The following ERCC6L variants were observed in gnomAD, a reference collection of about 807,000 sequenced individuals.
The protein encoded by ERCC6L is DNA excision repair protein ERCC-6-like.
A neutral mutation model predicts 20.1 loss-of-function variants in ERCC6L; 7 were observed. The ratio of observed to expected loss-of-function variants is 0.35; its 90% CI spans 0.20 to 0.65. ERCC6L has a LOEUF of 0.65. Among genes scored for constraint, ERCC6L ranks in the 30% least tolerant of loss-of-function variants. ERCC6L has a pLI of 0.69. For synonymous variants in ERCC6L, 278 were observed against 331.3 expected (o/e 0.84, Z 1.75); for missense variants, 592 against 892.4 (o/e 0.66, Z 4.29).
intron 1 of ERCC6L, among the ~76,000 whole-genome samples, chrX:72,222,422 GAT>G (rs2042928780): frequency 1.8e-5 from 2 of 111,428 alleles, no homozygotes; most frequent in East Asian, 2.8e-4. Flanking sequence ...AGTGGCCAAT[GAT>G]GCAGTCCCCC....
In ERCC6L at chrX:72,208,801, A is replaced by G. The variant is rs780199202; in HGVS notation, c.69-103T>C. The G allele has an allele frequency of 8.0e-4, 517 of 648,160 alleles. 5 individuals carry two copies. In the South Asian group the frequency reaches 0.015, roughly 19 times the overall value. The allele number at this position is 648,160 out of a possible 1,213,427, so 53.4% of individuals were successfully genotyped here. A position where few individuals can be genotyped will look rare whatever the true frequency, so the allele number is the denominator to read the frequency against. On this transcript the variant is annotated intron_variant, in intron 1 of 1. Coordinates refer to ENST00000334463, the MANE Select transcript of ERCC6L (RefSeq NM_017669.4). ...AATCCAAACTGCAGCTGGACTTTTA[A>G]TATCCTCAATTCAGGATGGGAAAGA... is the stretch of plus-strand genomic sequence containing the variant.
chrX:72,223,374 A>T, intron 1 of ERCC6L, among the ~76,000 whole-genome samples: 1 of 104,790 alleles, frequency 9.5e-6, no homozygotes, highest in Middle Eastern at 5.1e-3. Context: ...AAGGTCCCCA[A>T]ACATCTCAGC....
intron 1 of ERCC6L, among the ~76,000 whole-genome samples, chrX:72,226,178 C>T (rs1349870946): frequency 9.0e-6 from 1 of 111,717 alleles, no homozygotes; most frequent in South Asian, 3.8e-4. Context: ...TAGACACTGA[C>T]CAACACTCAT....
intron 1 of ERCC6L, among the ~76,000 whole-genome samples, chrX:72,224,968 C>T (rs1405814487): frequency 9.0e-6 from 1 of 110,890 alleles, no homozygotes; most frequent in East Asian, 2.8e-4. Flanking sequence ...ATATTTTAAT[C>T]CCCACCCATT....
intron 1 of ERCC6L, among the ~76,000 whole-genome samples, chrX:72,214,242 CAA>C (rs1456735942): frequency 9.0e-6 from 1 of 111,488 alleles, no homozygotes; most frequent in South Asian, 3.8e-4. Flanking sequence ...TAAACACAAA[CAA>C]TATTATTAAA....
At chrX:72,234,754 G>C (rs2043006552) in intron 1 of ERCC6L, among the ~76,000 whole-genome samples, 1 of 111,396 alleles carries the variant, frequency 9.0e-6, no homozygotes. Context: ...AGGGAATAAT[G>C]CTGGGAAGTA....
intron 1 of ERCC6L, among the ~76,000 whole-genome samples, chrX:72,236,416 C>T (rs2147607342): frequency 8.9e-6 from 1 of 111,760 alleles, no homozygotes; most frequent in South Asian, 3.8e-4. Context: ...CTGCCTCAGC[C>T]TCCCAAGTAG....
At chrX:72,232,232 A>T (rs2147603672) in intron 1 of ERCC6L, among the ~76,000 whole-genome samples, 1 of 103,446 alleles carries the variant, frequency 9.7e-6, no homozygotes, top group South Asian at 4.7e-4. Context: ...GATGAGATTT[A>T]AAGCCAAGAA....
intron 1 of ERCC6L, among the ~76,000 whole-genome samples, chrX:72,221,586 C>T (rs143657071): frequency 3.1e-3 from 344 of 111,405 alleles, no homozygotes; most frequent in African/African-American, 0.01. Flanking sequence ...CTTGGCTTAC[C>T]GGGAAGCATA....
At chrX:72,222,660 C>T (rs932776783) in intron 1 of ERCC6L, among the ~76,000 whole-genome samples, 4 of 103,942 alleles carry the variant, frequency 3.8e-5, no homozygotes, top group East Asian at 3.1e-4. Context: ...CGCAGTAGCG[C>T]GATCTCAGCT....
chrX:72,235,389 C>CTTTTTTT (rs144267277), intron 1 of ERCC6L, among the ~76,000 whole-genome samples: 1 of 68,568 alleles, frequency 1.5e-5, no homozygotes, highest in African/African-American at 6.8e-5. Flanking sequence ...CCCTCTTCCA[C>CTTTTTTT]TTTTTTTTTT....
Position 72,238,931 on chromosome X carries a change from A to G in ERCC6L, c.-20T>C. 14 of 1,172,915 alleles carry G rather than the reference A, an allele frequency of 1.2e-5. No homozygotes were observed. Among genetic ancestry groups the G allele is most frequent in the Non-Finnish European group, 1.6e-5 (14 of 871,703 alleles). Reference sequence around the variant, plus strand: ...CTCCATGACCCTCGGATTGGGTTCCAGTTACCCCGGCGGGAGTTTGGAGCT... The same window carrying G: ...CTCCATGACCCTCGGATTGGGTTCCGGTTACCCCGGCGGGAGTTTGGAGCT... On this transcript the variant is annotated 5_prime_UTR_variant, in exon 1 of 2. Coordinates refer to ENST00000334463, the MANE Select transcript of ERCC6L (RefSeq NM_017669.4).
At chrX:72,212,279 AATAAT>A (rs2042860457) in intron 1 of ERCC6L, among the ~76,000 whole-genome samples, 1 of 109,137 alleles carries the variant, frequency 9.2e-6, no homozygotes, top group East Asian at 2.9e-4. Flanking sequence ...CAAAAAAAAT[AATAAT>A]AATAATAATA....
In ERCC6L at chrX:72,238,269, C is replaced by T. The variant is rs1158068301; in HGVS notation, c.68+575G>A. Among the ~76,000 whole-genome samples, 4 of 111,849 alleles carry T rather than the reference C, an allele frequency of 3.6e-5. No individual in the cohort carries two copies. The East Asian group carries it at 8.4e-4, about 23-fold the overall frequency. ...TTAAATTCTCATCCCAACATTACCA[C>T]GCCCCCCACCCTTAGCCAACTGGTG... On this transcript the variant is annotated intron_variant, in intron 1 of 1. Transcript: ENST00000334463.
intron 1 of ERCC6L, among the ~76,000 whole-genome samples, chrX:72,228,058 T>C (rs1037103779): frequency 5.3e-5 from 6 of 112,271 alleles, no homozygotes; most frequent in African/African-American, 1.9e-4. Context: ...TTTGTTCTCC[T>C]CTGTCTTTGC....
chrX:72,212,383 C>T (rs2147587258), intron 1 of ERCC6L, among the ~76,000 whole-genome samples: 1 of 111,968 alleles, frequency 8.9e-6, no homozygotes, highest in Admixed American at 9.5e-5. Context: ...AATCCACCTC[C>T]CTTTGGAACT....
intron 1 of ERCC6L, among the ~76,000 whole-genome samples, chrX:72,233,762 A>G (rs2043000080): frequency 9.4e-6 from 1 of 106,725 alleles, no homozygotes; most frequent in African/African-American, 3.5e-5. Context: ...ATTAGATAAT[A>G]TCAATGAATT....
rs1311240104 is a variant in ERCC6L, at chrX:72,208,041, T to G, written c.726A>C (p.Ile242=). 8.3e-7 allele frequency: 1 copy of G among 1,211,675 alleles called. No homozygotes were observed. Among genetic ancestry groups the G allele is most frequent in the South Asian group, 1.8e-5 (1 of 56,974 alleles). ...KIKTSSTKSA[I]CARAIPASNR... Reference sequence around the variant, plus strand: ...TACTTGCAGGAATAGCACGAGCACATATTGCTGACTTAGTAGATGAGGTTT... The same window carrying G: ...TACTTGCAGGAATAGCACGAGCACAGATTGCTGACTTAGTAGATGAGGTTT... Residue 242 remains isoleucine (I), a synonymous_variant, in exon 2 of 2, where the codon ATA becomes ATC. Coordinates refer to ENST00000334463, the MANE Select transcript of ERCC6L (RefSeq NM_017669.4).
At chrX:72,225,609 G>T (rs760645591) in intron 1 of ERCC6L, among the ~76,000 whole-genome samples, 1 of 111,709 alleles carries the variant, frequency 9.0e-6, no homozygotes, top group African/African-American at 3.3e-5. Flanking sequence ...TTCTTTCCTC[G>T]GATTAGTGGG....
Sources: allele counts gnomAD v4.1 joint callset (sites outside exome capture counted in the v4.1 genomes callset), GRCh38; gene constraint gnomAD v4.1.1; transcripts MANE v1.5; gene names NCBI Gene and HGNC (gene_info 2026-07-23, HGNC 2026-07-21).